Variants in MAP2K5 observed in about 807,000 individuals in gnomAD.
MAP2K5 encodes the protein mitogen-activated protein kinase kinase 5.
In MAP2K5, 49 loss-of-function variants were observed where a neutral mutation model predicts 83.1. The observed-to-expected ratio is 0.59, with a 90% confidence interval of 0.47 to 0.75. MAP2K5 has a LOEUF of 0.75. Ranked by LOEUF, MAP2K5 falls within the 30% of genes least tolerant of loss-of-function variation. The probability of loss-of-function intolerance (pLI) is 0.00; values close to 1 mark genes in which losing one functional copy is unlikely to be tolerated. For missense variants in MAP2K5, 457 were observed against 557.5 expected (o/e 0.82, Z 1.82); for synonymous variants, 202 against 191.8 (o/e 1.05, Z -0.44).
chr15:67,792,173 G>T (rs1029875645), intron 21 of MAP2K5, among the ~76,000 whole-genome samples: 1 of 152,194 alleles, frequency 6.6e-6, no homozygotes, highest in African/African-American at 2.4e-5. Flanking sequence ...GGTTGAGTTG[G>T]TCTGGTGGAA....
intron 8 of MAP2K5, among the ~76,000 whole-genome samples, chr15:67,619,473 A>T (rs1183437858): frequency 1.3e-5 from 2 of 152,216 alleles, no homozygotes; most frequent in African/African-American, 4.8e-5. Context: ...TTAAATATAA[A>T]AAGAGGATCT....
At position 67,552,610 on chromosome 15, in the gene MAP2K5, A is replaced by T. The variant is rs531425514; in HGVS notation, c.184+2528A>T. On this transcript the variant is annotated intron_variant, in intron 2 of 21. Transcript: ENST00000178640. The surrounding 1 kb of genome is among the most constrained non-coding windows in gnomAD (Gnocchi z 4.2). ...CCTCCACACCTAGCTAATTAAAAAAATTTTTTTGTAGAAACGGGGTCTTGC... is the reference window on the plus strand; with the variant it reads ...CCTCCACACCTAGCTAATTAAAAAATTTTTTTTGTAGAAACGGGGTCTTGC... Among the ~76,000 whole-genome samples the T allele has an allele frequency of 5.3e-5, 8 of 152,050 alleles. No individual in the cohort carries two copies. The highest frequency in any genetic ancestry group is 3.9e-4 in the East Asian group (2 of 5,160).
rs548211159 is a variant in MAP2K5 at position 67,737,012 on chromosome 15, C to T, written c.1074+9067C>T. 1.4e-4 allele frequency among the ~76,000 whole-genome samples: 22 copies of T among 152,300 alleles called. No homozygotes were observed. The South Asian group carries it at 4.1e-3, about 29-fold the overall frequency. Reference sequence around the variant, plus strand: ...GATTACCAGGTATTCAGCAACAGGGCCAGACTGTCTCCCACTCACAGTGCA... The same window carrying T: ...GATTACCAGGTATTCAGCAACAGGGTCAGACTGTCTCCCACTCACAGTGCA... On this transcript the variant is annotated intron_variant, in intron 17 of 21. Transcript: ENST00000178640.
chr15:67,584,208 T>A (rs2085243221), intron 4 of MAP2K5, among the ~76,000 whole-genome samples: 1 of 152,258 alleles, frequency 6.6e-6, no homozygotes, highest in Non-Finnish European at 1.5e-5. Context: ...CCTGACCCGA[T>A]AACTTTAGGA....
chr15:67,580,883 T>C, intron 4 of MAP2K5, 60 bp downstream of exon 4: 3 of 1,139,838 alleles, frequency 2.6e-6, no homozygotes, highest in Non-Finnish European at 4.0e-6. Context: ...TCATCAACAG[T>C]TATGTTTCCA....
rs17241486 is a variant in MAP2K5 at position 67,589,222 on chromosome 15, G to C, written c.431+2309G>C. On this transcript the variant is annotated intron_variant, in intron 6 of 21. Coordinates refer to ENST00000178640, the MANE Select transcript of MAP2K5 (RefSeq NM_145160.3). ...AGATGAATGAAATATTGAGTAAAGT[G>C]AGTCACAGAGAAATTGCCAGGATAC... Among the ~76,000 whole-genome samples the C allele has an allele frequency of 7.9e-3, 1,206 of 152,146 alleles. 40 individuals carry two copies. The highest frequency in any genetic ancestry group is 0.061 in the Admixed American group (937 of 15,268).
At chr15:67,556,554 C>CT (rs10719227) in intron 2 of MAP2K5, among the ~76,000 whole-genome samples, 2 of 117,618 alleles carry the variant, frequency 1.7e-5, no homozygotes, top group Admixed American at 8.5e-5. Context: ...TCTTTTCTTT[C>CT]TTTTTTTTTT....
At chr15:67,739,482 T>C (rs1358869772) in intron 17 of MAP2K5, among the ~76,000 whole-genome samples, 1 of 40,588 alleles carries the variant, frequency 2.5e-5, no homozygotes, top group Admixed American at 2.3e-4. Flanking sequence ...TTTTTTTTTT[T>C]TTTTTTTTTT....
rs1053395116 is a variant in MAP2K5 at position 67,802,678 on chromosome 15, G to T, written c.1243-3968G>T. ...CAGAAATGGTGCTAACATGCTTTCC[G>T]CGTGAAGGACGGAGGCCTAGATGCC... On this transcript the variant is annotated intron_variant, in intron 21 of 21. Transcript: ENST00000178640. This position sits in a 1 kb window ranked among gnomAD's most constrained non-coding sequence, Gnocchi z 5.0. 3.3e-5 allele frequency among the ~76,000 whole-genome samples: 5 copies of T among 152,236 alleles called. No homozygotes were observed. The highest frequency in any genetic ancestry group is 3.3e-4 in the Admixed American group (5 of 15,288).
intron 2 of MAP2K5, among the ~76,000 whole-genome samples, chr15:67,551,130 GTT>G (rs1489646659): frequency 2.0e-5 from 3 of 152,004 alleles, no homozygotes; most frequent in Admixed American, 6.5e-5. Flanking sequence ...ATACTTTTTT[GTT>G]TCTGTTTTTT....
rs975215893 is a variant in MAP2K5, at chr15:67,644,493, AT to A, written c.586-1737del. On this transcript the variant is annotated intron_variant, in intron 9 of 21. Coordinates refer to ENST00000178640, the MANE Select transcript of MAP2K5 (RefSeq NM_145160.3). This position sits in a 1 kb window ranked among gnomAD's most constrained non-coding sequence, Gnocchi z 4.6. Reference sequence around the variant, plus strand: ...GTATGGTCTTCTTTCTTAAAAAAATATGTGTTTGAAATAAACTAGAATTTAT... The same window carrying A: ...GTATGGTCTTCTTTCTTAAAAAAATAGTGTTTGAAATAAACTAGAATTTAT... Among the ~76,000 whole-genome samples, 35 of 152,324 alleles carry A rather than the reference AT, an allele frequency of 2.3e-4. No individual in the cohort carries two copies. Among genetic ancestry groups the A allele is most frequent in the Middle Eastern group, 6.8e-3 (2 of 294 alleles).
intron 7 of MAP2K5, among the ~76,000 whole-genome samples, chr15:67,600,371 C>A (rs1188305590): frequency 6.6e-6 from 1 of 152,140 alleles, no homozygotes; most frequent in Non-Finnish European, 1.5e-5. Context: ...ATATGCAGTA[C>A]TGGAGACTGT....
Position 67,748,626 on chromosome 15 carries a change from C to T in MAP2K5, c.1134+25C>T. 1 of 1,610,220 alleles carries T rather than the reference C, an allele frequency of 6.2e-7. No homozygotes were observed. The highest frequency in any genetic ancestry group is 8.5e-7 in the Non-Finnish European group (1 of 1,176,700). ...GGTGAGGCATCGTCTTATGTGCTTT[C>T]ACTCCTAAAGTCATTCCTAATGGTG... On this transcript the variant is annotated intron_variant, in intron 19 of 21. Coordinates refer to ENST00000178640, the MANE Select transcript of MAP2K5 (RefSeq NM_145160.3). This position sits in a 1 kb window ranked among gnomAD's most constrained non-coding sequence, Gnocchi z 4.0.
chr15:67,800,282 G>T (rs768859013), intron 21 of MAP2K5, among the ~76,000 whole-genome samples: 1 of 152,132 alleles, frequency 6.6e-6, no homozygotes, highest in Non-Finnish European at 1.5e-5. Context: ...TAAAATTAAT[G>T]CAAGACTTCA....
chr15:67,595,010 A>C (rs1376619528), intron 7 of MAP2K5, among the ~76,000 whole-genome samples: 1 of 152,202 alleles, frequency 6.6e-6, no homozygotes, highest in Non-Finnish European at 1.5e-5. Flanking sequence ...GTCACATTTA[A>C]TGATACTTTA....
chr15:67,650,810 C>T (rs2086934668), intron 11 of MAP2K5, among the ~76,000 whole-genome samples: 1 of 152,068 alleles, frequency 6.6e-6, no homozygotes, highest in African/African-American at 2.4e-5. Flanking sequence ...ATGTCAGTGT[C>T]TGATTTTGGT....
intron 3 of MAP2K5, among the ~76,000 whole-genome samples, chr15:67,579,900 C>T (rs2085144143): frequency 6.6e-6 from 1 of 152,168 alleles, no homozygotes; most frequent in Non-Finnish European, 1.5e-5. Flanking sequence ...GGATGTTCTG[C>T]TCTTTGACAG....
intron 8 of MAP2K5, among the ~76,000 whole-genome samples, chr15:67,622,460 C>T (rs1214230019): frequency 6.6e-6 from 1 of 151,876 alleles, no homozygotes; most frequent in African/African-American, 2.4e-5. Context: ...GAAATCTACC[C>T]ATGAAATGGA....
At position 67,724,554 on chromosome 15, in the gene MAP2K5, G is replaced by C. The variant is rs970146762; in HGVS notation, c.1045-3362G>C. 6.6e-6 allele frequency among the ~76,000 whole-genome samples: 1 copy of C among 151,930 alleles called. No homozygotes were observed. The highest frequency in any genetic ancestry group is 1.5e-5 in the Non-Finnish European group (1 of 68,000). On this transcript the variant is annotated intron_variant, in intron 16 of 21. Coordinates refer to ENST00000178640, the MANE Select transcript of MAP2K5 (RefSeq NM_145160.3). The surrounding 1 kb of genome is among the most constrained non-coding windows in gnomAD (Gnocchi z 4.4). ...TGACTACAGACACGTGCCACCACAC[G>C]CCTCTCATTTTTGTAGAGAACTCGT...
Sources: allele counts gnomAD v4.1 joint callset (sites outside exome capture counted in the v4.1 genomes callset), GRCh38; gene constraint gnomAD v4.1.1; non-coding constraint Gnocchi (gnomAD v3.1); transcripts MANE v1.5; gene names NCBI Gene and HGNC (gene_info 2026-07-23, HGNC 2026-07-21).